Variants in ALLC observed in about 807,000 individuals in gnomAD.
ALLC encodes allantoicase.
A neutral mutation model predicts 45.0 loss-of-function variants in ALLC; 40 were observed. The ratio of observed to expected loss-of-function variants is 0.89; its 90% confidence interval spans 0.69 to 1.16. ALLC has a LOEUF of 1.16. ALLC is among the 50% of genes most tolerant of loss of function. The probability of loss-of-function intolerance (pLI) is 0.00; values close to 1 mark genes in which losing one functional copy is unlikely to be tolerated. For missense variants in ALLC, 488 were observed against 493.1 expected (o/e 0.99, Z 0.10); for synonymous variants, 176 against 178.1 (o/e 0.99, Z 0.09).
At chr2:3,655,172 A>G (rs1475852622), upstream of ALLC, among the ~76,000 whole-genome samples, 1 of 152,218 alleles carries the variant, frequency 6.6e-6, no homozygotes, top group Non-Finnish European at 1.5e-5. Flanking sequence ...CAGGGCAATA[A>G]AGGAGAAAAG....
intron 7 of ALLC, 71 bp from the exon 8 acceptor site, chr2:3,695,646 A>C: frequency 6.4e-7 from 1 of 1,562,626 alleles, no homozygotes; most frequent in Non-Finnish European, 8.8e-7. Context: ...AGAAGACAGG[A>C]GGGTCCTGTA....
the ALLC span, among the ~76,000 whole-genome samples, chr2:3,649,757 C>G: frequency 6.6e-6 from 1 of 152,236 alleles, no homozygotes; most frequent in South Asian, 2.1e-4. Flanking sequence ...ACACAGGGAC[C>G]GGGCAGACAC....
chr2:3,682,618 C>A (rs1367126121), intron 6 of ALLC, among the ~76,000 whole-genome samples: 1 of 152,264 alleles, frequency 6.6e-6, no homozygotes, highest in South Asian at 2.1e-4. Context: ...CTCCGCCTCC[C>A]AGGTTCACGC....
At chr2:3,661,201 G>A (rs1376977754) in intron 1 of ALLC, among the ~76,000 whole-genome samples, 1 of 152,208 alleles carries the variant, frequency 6.6e-6, no homozygotes, top group Non-Finnish European at 1.5e-5. Flanking sequence ...AAGGCTTGGA[G>A]TACGGGAGAT....
At chr2:3,679,019 G>A (rs149407520) in intron 4 of ALLC, among the ~76,000 whole-genome samples, 2,096 of 152,216 alleles carry the variant, frequency 0.014, 42 homozygotes, top group African/African-American at 0.045. Flanking sequence ...CACTGTACCC[G>A]CTGTCTTTTA....
chr2:3,681,778 G>A, intron 6 of ALLC, 65 bp downstream of exon 6: 2 of 1,281,088 alleles, frequency 1.6e-6, no homozygotes, highest in Non-Finnish European at 2.2e-6. Context: ...AAACTGCTCT[G>A]CACACCTGGC....
In ALLC at chr2:3,664,914, C is replaced by T. The variant is rs567452101; in HGVS notation, c.-62-6182C>T. Among the ~76,000 whole-genome samples, 4 of 151,432 alleles carry T rather than the reference C, an allele frequency of 2.6e-5. No individual in the cohort carries two copies. The South Asian group carries it at 6.2e-4, about 24-fold the overall frequency. ...AAAAAAACAAAACCAAAACCCCCCC[C>T]CAAACCAGATGTTTCCAAATGCTCG... On this transcript the variant is annotated intron_variant, in intron 1 of 11. Coordinates refer to ENST00000252505, the MANE Select transcript of ALLC (RefSeq NM_018436.4).
intron 1 of ALLC, among the ~76,000 whole-genome samples, chr2:3,666,187 G>T (rs556176391): frequency 2.0e-5 from 3 of 152,200 alleles, no homozygotes; most frequent in South Asian, 4.1e-4. Flanking sequence ...CCCACCACAG[G>T]GGGGTGGCTG....
Position 3,678,485 on chromosome 2 carries a change from C to T in ALLC, c.102C>T (p.Phe34=). 1 of 1,613,936 alleles carries T rather than the reference C, an allele frequency of 6.2e-7. No individual in the cohort carries two copies. Among genetic ancestry groups the T allele is most frequent in the South Asian group, 1.1e-5 (1 of 91,076 alleles). ...TGCCCTAGAGTGACAGCCCGTGCTT[C>T]AAAGAGCATGAATATACGGAGTTTG... ...ENLIKSDSPC[F]KEHEYTEFGK... Residue 34 remains phenylalanine (F), a synonymous_variant, in exon 4 of 12, where the codon TTC becomes TTT. Transcript: ENST00000252505.
intron 1 of ALLC, among the ~76,000 whole-genome samples, chr2:3,664,992 G>A (rs1308366954): frequency 6.6e-6 from 1 of 151,710 alleles, no homozygotes; most frequent in East Asian, 1.9e-4. Flanking sequence ...ATTTTTTGAG[G>A]TACCACAAAT....
the ALLC span, among the ~76,000 whole-genome samples, chr2:3,650,800 CTG>C: frequency 6.6e-6 from 1 of 152,200 alleles, no homozygotes; most frequent in African/African-American, 2.4e-5. Flanking sequence ...GGAGGGGAGT[CTG>C]TGTTAATAGC....
the ALLC span, among the ~76,000 whole-genome samples, chr2:3,652,353 G>A: frequency 0.01 from 1,539 of 152,362 alleles, 36 homozygotes; most frequent in Admixed American, 0.037. Flanking sequence ...GCCTGCACAG[G>A]TTGTGCACTG....
chr2:3,650,450 G>T, the ALLC span, among the ~76,000 whole-genome samples: 1 of 152,194 alleles, frequency 6.6e-6, no homozygotes, highest in Non-Finnish European at 1.5e-5. Flanking sequence ...CTGAGTGAGA[G>T]AAACAGCGCA....
the ALLC span, among the ~76,000 whole-genome samples, chr2:3,651,748 T>C: frequency 6.6e-6 from 1 of 152,032 alleles, no homozygotes; most frequent in South Asian, 2.1e-4. Flanking sequence ...GCCCGGCGTT[T>C]CTTCAGGGGC....
At chr2:3,686,405 C>T (rs1212699629) in intron 7 of ALLC, among the ~76,000 whole-genome samples, 23 of 150,458 alleles carry the variant, frequency 1.5e-4, no homozygotes, top group Non-Finnish European at 2.5e-4. Context: ...ATGCCTTCAG[C>T]TTTGTTTTTT....
At chr2:3,651,305 TGGGTGGGTGGGGG>T in the ALLC span, among the ~76,000 whole-genome samples, 24 of 23,348 alleles carry the variant, frequency 1.0e-3, 6 homozygotes, top group African/African-American at 3.8e-3. Context: ...TTTGGGTGGG[TGGGTGGGTGGGGG>T]GGGTGTGTGT....
chr2:3,667,618 C>T (rs1278372487), intron 1 of ALLC, among the ~76,000 whole-genome samples: 1 of 152,148 alleles, frequency 6.6e-6, no homozygotes, highest in Non-Finnish European at 1.5e-5. Flanking sequence ...TTCTGACGAT[C>T]GAAATGAGAT....
At chr2:3,675,512 AAG>A (rs1346026889) in intron 3 of ALLC, among the ~76,000 whole-genome samples, 2 of 151,758 alleles carry the variant, frequency 1.3e-5, no homozygotes, top group Non-Finnish European at 2.9e-5. Flanking sequence ...ATTATCTGTG[AAG>A]AGAGAGGTGG....
intron 8 of ALLC, 67 bp downstream of exon 8, chr2:3,695,939 T>G: frequency 6.9e-7 from 1 of 1,456,494 alleles, no homozygotes; most frequent in South Asian, 1.4e-5. Context: ...TACCCCAATA[T>G]GGTCAGAGTG....
Sources: gnomAD v4.1 joint callset for allele counts (sites outside exome capture counted in the v4.1 genomes callset) on GRCh38, gnomAD v4.1.1 for gene constraint, MANE v1.5 for transcripts, NCBI Gene and HGNC (gene_info 2026-07-23, HGNC 2026-07-21) for gene names.